The following RANBP2 variants were observed in gnomAD, a reference collection of about 807,000 sequenced individuals.
RANBP2 encodes the protein E3 SUMO-protein ligase RanBP2.
Under a neutral mutation model 303.6 loss-of-function variants are expected in RANBP2, and 57 were observed. The observed-to-expected ratio is 0.19, with a 90% CI of 0.15 to 0.23. The LOEUF is 0.23. Among genes scored for constraint, RANBP2 ranks in the 10% least tolerant of loss-of-function variants. The pLI is 1.00. For missense variants in RANBP2, 3,138 were observed against 3,780.8 expected, an observed-to-expected ratio of 0.83 and a Z score of 4.46; for synonymous variants, 1,167 against 1,301.5, an observed-to-expected ratio of 0.90 and a Z score of 2.23.
chr2:109,113,991 G>T, the RANBP2 span, among the ~76,000 whole-genome samples: 1 of 152,208 alleles, frequency 6.6e-6, no homozygotes, highest in Non-Finnish European at 1.5e-5. Flanking sequence ...AAGCTCACTT[G>T]ATCATGGTGG....
the RANBP2 span, among the ~76,000 whole-genome samples, chr2:109,209,091 A>C: frequency 3.9e-5 from 6 of 152,328 alleles, no homozygotes; most frequent in African/African-American, 1.4e-4. Context: ...CTTAAACAAA[A>C]CCCACAAATG....
chr2:108,794,262 C>T, the RANBP2 span, among the ~76,000 whole-genome samples: 1 of 152,010 alleles, frequency 6.6e-6, no homozygotes, highest in African/African-American at 2.4e-5. Flanking sequence ...CATTTCTTGG[C>T]AATTAGTGTC....
At chr2:109,377,549 T>C in the RANBP2 span, among the ~76,000 whole-genome samples, 1 of 152,184 alleles carries the variant, frequency 6.6e-6, no homozygotes, top group African/African-American at 2.4e-5. Context: ...TGAATTAATA[T>C]GGTGTGGTGT....
At chr2:109,456,918 C>T in the RANBP2 span, among the ~76,000 whole-genome samples, 4 of 152,142 alleles carry the variant, frequency 2.6e-5, no homozygotes, top group East Asian at 1.9e-4. Context: ...GTGGCAGGGA[C>T]GAGGGAAGGA....
chr2:109,471,367 G>A, the RANBP2 span, among the ~76,000 whole-genome samples: 4 of 152,266 alleles, frequency 2.6e-5, no homozygotes, highest in Non-Finnish European at 5.9e-5. Context: ...TTCACAAGGC[G>A]GCAGGAGAGA....
At chr2:109,503,444 CT>C in the RANBP2 span, 1 of 152,194 alleles carries the variant, frequency 6.6e-6, no homozygotes, top group South Asian at 2.1e-4. Flanking sequence ...ATGCCTTTCC[CT>C]CCCCCAAGAT....
At chr2:109,391,421 G>A in the RANBP2 span, among the ~76,000 whole-genome samples, 1,245 of 152,312 alleles carry the variant, frequency 8.2e-3, 12 homozygotes, top group African/African-American at 0.028. Flanking sequence ...GGGGAGGGGT[G>A]CGGGTCACCC....
the RANBP2 span, among the ~76,000 whole-genome samples, chr2:109,310,667 C>A: frequency 1.7e-5 from 1 of 58,916 alleles, no homozygotes; most frequent in African/African-American, 1.3e-4. Flanking sequence ...GATATCACCA[C>A]CGATCCCACA....
At chr2:109,543,090 G>C in the RANBP2 span, 1 of 152,582 alleles carries the variant, frequency 6.6e-6, no homozygotes, top group Non-Finnish European at 1.5e-5. Flanking sequence ...AGAAATGTTA[G>C]AAATCATTAA....
the RANBP2 span, among the ~76,000 whole-genome samples, chr2:108,963,460 C>T: frequency 2.0e-5 from 3 of 152,148 alleles, no homozygotes; most frequent in East Asian, 1.9e-4. Flanking sequence ...AGTGGATTCA[C>T]GTGCACTTGT....
the RANBP2 span, among the ~76,000 whole-genome samples, chr2:109,142,042 C>CG: frequency 8.8e-6 from 1 of 113,008 alleles, no homozygotes; most frequent in Non-Finnish European, 2.2e-5. Flanking sequence ...CTTGAGTCTC[C>CG]TGGGGGGGGG....
At chr2:109,373,513 G>A in the RANBP2 span, among the ~76,000 whole-genome samples, 2 of 152,332 alleles carry the variant, frequency 1.3e-5, no homozygotes, top group African/African-American at 4.8e-5. Context: ...AAGGGCATAG[G>A]CAAATCTCCA....
the RANBP2 span, among the ~76,000 whole-genome samples, chr2:109,481,445 G>C: frequency 6.6e-6 from 1 of 152,206 alleles, no homozygotes; most frequent in African/African-American, 2.4e-5. Flanking sequence ...GGAGCTTCTG[G>C]TATGTTCTCG....
chr2:108,755,633 T>C (rs974134671), intron 17 of RANBP2, among the ~76,000 whole-genome samples: 8 of 151,634 alleles, frequency 5.3e-5, no homozygotes, highest in African/African-American at 1.7e-4. Flanking sequence ...GCTCAAAGAA[T>C]CCTCCTGCTT....
chr2:109,139,664 A>G, the RANBP2 span, among the ~76,000 whole-genome samples: 1 of 152,166 alleles, frequency 6.6e-6, no homozygotes, highest in Non-Finnish European at 1.5e-5. Flanking sequence ...GTTTTCCTGG[A>G]TTTAAAGTTG....
the RANBP2 span, among the ~76,000 whole-genome samples, chr2:109,628,951 C>G: frequency 6.6e-6 from 1 of 151,978 alleles, no homozygotes; most frequent in South Asian, 2.1e-4. Context: ...CGCCTGTAAT[C>G]CCAGCATTTT....
At chr2:109,522,612 T>TC in the RANBP2 span, among the ~76,000 whole-genome samples, 1 of 150,690 alleles carries the variant, frequency 6.6e-6, no homozygotes, top group Non-Finnish European at 1.5e-5. Context: ...CCTTTTTTTT[T>TC]CCAGGCTGGT....
chr2:108,798,667 A>AT, the RANBP2 span: 2 of 1,091,504 alleles, frequency 1.8e-6, no homozygotes, highest in Non-Finnish European at 2.7e-6. Context: ...ATTTTGTCAC[A>AT]TTTGCTTATT....
chr2:109,360,866 G>A, the RANBP2 span, among the ~76,000 whole-genome samples: 1 of 152,118 alleles, frequency 6.6e-6, no homozygotes, highest in Non-Finnish European at 1.5e-5. Flanking sequence ...TAAAAAGCAG[G>A]GGCAGAGAGT....
Sources: gnomAD v4.1 joint callset for allele counts (sites outside exome capture counted in the v4.1 genomes callset) on GRCh38, gnomAD v4.1.1 for gene constraint, MANE v1.5 for transcripts, NCBI Gene and HGNC (gene_info 2026-07-23, HGNC 2026-07-21) for gene names.